The following AFAP1L1 variants were observed in gnomAD, a reference collection of about 807,000 sequenced individuals.
AFAP1L1 encodes the protein actin filament associated protein 1 like 1.
In AFAP1L1, 77 loss-of-function variants were observed where a neutral mutation model predicts 99.8. That is an observed-to-expected ratio of 0.77 (90% CI 0.64 to 0.93). AFAP1L1 has a LOEUF of 0.93. AFAP1L1 is among the 40% of genes least tolerant of loss of function. The probability of loss-of-function intolerance (pLI) is 0.00; values close to 1 mark genes in which losing one functional copy is unlikely to be tolerated. For missense variants in AFAP1L1, 893 were observed against 996.8 expected, an observed-to-expected ratio of 0.90 and a Z score of 1.40; for synonymous variants, 373 against 395.3, an observed-to-expected ratio of 0.94 and a Z score of 0.67.
chr5:149,312,087 T>G, intron 8 of AFAP1L1, 25 bp from the exon 9 acceptor site: 1 of 1,607,886 alleles, frequency 6.2e-7, no homozygotes, highest in Non-Finnish European at 8.5e-7. Flanking sequence ...GCCCACCCGT[T>G]CACAGCTGTG....
chr5:149,325,180 C>G (rs1013383462), intron 15 of AFAP1L1, among the ~76,000 whole-genome samples: 2 of 152,158 alleles, frequency 1.3e-5, no homozygotes, highest in African/African-American at 4.8e-5. Flanking sequence ...AATGAAGAAA[C>G]ATTTACTCTA....
intron 4 of AFAP1L1, 66 bp from the exon 5 acceptor site, chr5:149,302,352 T>G: frequency 8.2e-7 from 1 of 1,215,944 alleles, no homozygotes; most frequent in Non-Finnish European, 1.1e-6. Flanking sequence ...CCTGCCTCCC[T>G]CTCCCTCAGC....
intron 18 of AFAP1L1, among the ~76,000 whole-genome samples, chr5:149,339,503 A>C (rs187434418): frequency 1.3e-3 from 195 of 152,210 alleles, no homozygotes; most frequent in African/African-American, 4.5e-3. Context: ...AATAAAACTT[A>C]TTTACAGGCA....
intron 1 of AFAP1L1, among the ~76,000 whole-genome samples, chr5:149,279,920 T>A (rs1026962454): frequency 2.0e-5 from 3 of 152,238 alleles, no homozygotes; most frequent in Non-Finnish European, 4.4e-5. Context: ...CCTGCACTTC[T>A]CAATCACAGT....
In AFAP1L1 at chr5:149,310,093, G is replaced by A; in HGVS notation, c.885G>A (p.Val295=). 6.2e-7 allele frequency: 1 copy of A among 1,613,370 alleles called. No homozygotes were observed. Among genetic ancestry groups the A allele is most frequent in the South Asian group, 1.1e-5 (1 of 90,984 alleles). ...CCCAGGGGGCTACCGAGGTCTTGGT[G>A]CTGGCACTGCAGAGCCGAGAGCAGG... is the stretch of plus-strand genomic sequence containing the variant. ...RFTQGATEVL[V]LALQSREQAE... Residue 295 remains valine, a synonymous_variant, in exon 8 of 19, where the codon GTG becomes GTA. Transcript: ENST00000296721.
At chr5:149,304,047 C>T (rs1756319752) in intron 5 of AFAP1L1, among the ~76,000 whole-genome samples, 1 of 152,238 alleles carries the variant, frequency 6.6e-6, no homozygotes, top group South Asian at 2.1e-4. Context: ...ACCCCAGCCC[C>T]TGCTAACCAC....
intron 18 of AFAP1L1, among the ~76,000 whole-genome samples, chr5:149,339,620 T>G (rs952273880): frequency 7.2e-5 from 11 of 152,216 alleles, no homozygotes; most frequent in African/African-American, 2.7e-4. Context: ...TATATGAGAA[T>G]GGACAATAGG....
chr5:149,307,820 C>CTCTCTCTG (rs1186442802), intron 7 of AFAP1L1, among the ~76,000 whole-genome samples: 1 of 109,164 alleles, frequency 9.2e-6, no homozygotes, highest in African/African-American at 3.6e-5. Flanking sequence ...GCCTCTCTTT[C>CTCTCTCTG]TCTCTCTCTC....
intron 7 of AFAP1L1, among the ~76,000 whole-genome samples, chr5:149,309,159 G>C (rs1457627054): frequency 6.6e-6 from 1 of 152,044 alleles, no homozygotes; most frequent in African/African-American, 2.4e-5. Flanking sequence ...CATTTGCTGT[G>C]GGTTGTTTGT....
At chr5:149,329,602 A>G in intron 15 of AFAP1L1, 64 bp from the exon 16 acceptor site, 1 of 1,489,268 alleles carries the variant, frequency 6.7e-7, no homozygotes, top group South Asian at 1.4e-5. Context: ...AGAAGCTGAC[A>G]CCACACAAGT....
Position 149,320,754 on chromosome 5 carries a change from G to A in AFAP1L1, c.1698+291G>A, listed in dbSNP as rs1425956471. 6.6e-6 allele frequency among the ~76,000 whole-genome samples: 1 copy of A among 152,102 alleles called. No individual in the cohort carries two copies. The highest frequency in any genetic ancestry group is 1.5e-5 in the Non-Finnish European group (1 of 68,024). On this transcript the variant is annotated intron_variant, in intron 14 of 18. Transcript: ENST00000296721. The surrounding 1 kb of genome is among the most constrained non-coding windows in gnomAD (Gnocchi z 4.0). The stretch of plus-strand genomic sequence containing the variant: ...GTCTCCGGTTTGAGCAAGTTGCTGG[G>A]GCCCTCCTCCTGTTTACCACTCTGT...
intron 18 of AFAP1L1, among the ~76,000 whole-genome samples, chr5:149,338,022 G>A (rs1757454302): frequency 6.6e-6 from 1 of 152,166 alleles, no homozygotes; most frequent in East Asian, 1.9e-4. Flanking sequence ...GGGGGAAGAG[G>A]CAGGCAGTGC....
At chr5:149,333,882 C>T (rs1172031411) in intron 17 of AFAP1L1, among the ~76,000 whole-genome samples, 1 of 152,052 alleles carries the variant, frequency 6.6e-6, no homozygotes, top group Non-Finnish European at 1.5e-5. Context: ...TATTCTTCCT[C>T]ATAGCACTTA....
intron 1 of AFAP1L1, among the ~76,000 whole-genome samples, chr5:149,294,328 A>G (rs1163294185): frequency 6.6e-6 from 1 of 152,192 alleles, no homozygotes; most frequent in Non-Finnish European, 1.5e-5. Context: ...TCCTGTTGGT[A>G]TCACTTTTCA....
At chr5:149,276,427 A>C (rs1755326479) in intron 1 of AFAP1L1, among the ~76,000 whole-genome samples, 1 of 152,216 alleles carries the variant, frequency 6.6e-6, no homozygotes, top group Admixed American at 6.5e-5. Context: ...CAAATACCAC[A>C]CAAGAGAATC....
In AFAP1L1 at chr5:149,310,025, G is replaced by T. The variant is rs146039286; in HGVS notation, c.817G>T (p.Val273Leu). 6.2e-7 allele frequency: 1 copy of T among 1,614,234 alleles called. No individual in the cohort carries two copies. Among genetic ancestry groups the T allele is most frequent in the Non-Finnish European group, 8.5e-7 (1 of 1,180,038 alleles). Residue 273 changes from valine (V) to leucine (L), a missense_variant, in exon 8 of 19, where the codon GTG (valine) becomes TTG (leucine). Val to Leu is a conservative substitution (Grantham distance 32, BLOSUM62 1). Transcript: ENST00000296721. Reference protein sequence around the residue: ...LALDTCSIIYVPKDSRHKRHE... With the variant: ...LALDTCSIIYLPKDSRHKRHE... The stretch of plus-strand genomic sequence containing the variant: ...ACTGGATACCTGCAGCATCATCTAC[G>T]TGCCCAAGGACAGCCGGCACAAGAG...
chr5:149,286,374 A>G (rs1755680312), intron 1 of AFAP1L1, among the ~76,000 whole-genome samples: 1 of 150,870 alleles, frequency 6.6e-6, no homozygotes, highest in African/African-American at 2.5e-5. Context: ...AAATGCCGCA[A>G]ACAAACAGCA....
In AFAP1L1 at chr5:149,342,382, AG is replaced by A; in HGVS notation, c.*2353del. ...AGTTCTTATATTTACATGCTGGTGG[AG>A]CCAGCATGTGAATATAAGAAGTCTG... On this transcript the variant is annotated 3_prime_UTR_variant, in exon 19 of 19. Transcript: ENST00000296721. Among the ~76,000 whole-genome samples, 1 of 152,176 alleles carries A rather than the reference AG, an allele frequency of 6.6e-6. No homozygotes were observed. Among genetic ancestry groups the A allele is most frequent in the Non-Finnish European group, 1.5e-5 (1 of 68,032 alleles).
intron 16 of AFAP1L1, among the ~76,000 whole-genome samples, chr5:149,331,570 A>G (rs1164845016): frequency 6.6e-6 from 1 of 152,010 alleles, no homozygotes; most frequent in African/African-American, 2.4e-5. Context: ...CAGTGAGCCA[A>G]GATCACGCCA....
Sources: gnomAD v4.1 joint callset for allele counts (sites outside exome capture counted in the v4.1 genomes callset) on GRCh38, gnomAD v4.1.1 for gene constraint, Gnocchi (gnomAD v3.1) non-coding constraint, MANE v1.5 for transcripts, NCBI Gene and HGNC (gene_info 2026-07-23, HGNC 2026-07-21) for gene names.